NCAM2: variants seen among roughly 807,000 people sequenced by gnomAD.
The protein encoded by NCAM2 is N-CAM-2.
In NCAM2, 30 loss-of-function variants were observed where a neutral mutation model predicts 98.1. The observed-to-expected ratio is 0.31, with a 90% CI of 0.23 to 0.41. The LOEUF is 0.41. Ranked by LOEUF, NCAM2 falls within the 10% of genes least tolerant of loss-of-function variation. The probability of loss-of-function intolerance (pLI) is 1.00; values close to 1 mark genes in which losing one functional copy is unlikely to be tolerated. For missense variants in NCAM2, 867 were observed against 1,005.8 expected, an observed-to-expected ratio of 0.86 and a Z score of 1.87; for synonymous variants, 368 against 342.4, an observed-to-expected ratio of 1.07 and a Z score of -0.83.
chr21:21,518,310 T>G (rs929245086), intron 16 of NCAM2, among the ~76,000 whole-genome samples: 6 of 152,128 alleles, frequency 3.9e-5, no homozygotes, highest in African/African-American at 1.4e-4. Context: ...GTTCAAAAAT[T>G]AGATTCAACT....
chr21:21,001,042 G>A (rs1200108882), intron 1 of NCAM2, among the ~76,000 whole-genome samples: 2 of 152,204 alleles, frequency 1.3e-5, no homozygotes, highest in Non-Finnish European at 2.9e-5. Flanking sequence ...TATACTTGCA[G>A]GGGATTTTAT....
At position 21,509,007 on chromosome 21, in the gene NCAM2, G is replaced by A; in HGVS notation, c.2234G>A (p.Gly745Asp). The A allele has an allele frequency of 1.2e-6, 2 of 1,613,268 alleles. No individual in the cohort carries two copies. Among genetic ancestry groups the A allele is most frequent in the Non-Finnish European group, 1.7e-6 (2 of 1,179,730 alleles). The change falls in exon 16 of 18, where the codon GGC becomes GAC. Residue 745 changes from glycine (G) to aspartate (D), a missense_variant. By Grantham distance (94) the Gly-to-Asp change is moderately conservative. This residue lies in a region of NCAM2 where 125 missense variants were observed against 116.1 expected (regional missense o/e 1.08). Coordinates refer to ENST00000400546, the MANE Select transcript of NCAM2 (RefSeq NM_004540.5). ...ITRRMCGKKS[G>D]SSGKSKELEE... ...AGGAGAATGTGTGGAAAGAAAAGTG[G>A]CTCCAGTGGCAAAAGTAAAGAACTC...
At chr21:21,446,326 G>A (rs992404208) in intron 12 of NCAM2, among the ~76,000 whole-genome samples, 4 of 151,848 alleles carry the variant, frequency 2.6e-5, no homozygotes, top group Non-Finnish European at 4.4e-5. Context: ...ACCTTCTTGC[G>A]GAGTATCTTA....
intron 1 of NCAM2, among the ~76,000 whole-genome samples, chr21:21,279,063 A>T (rs2072832841): frequency 6.6e-6 from 1 of 152,034 alleles, no homozygotes; most frequent in Non-Finnish European, 1.5e-5. Context: ...TGAGCCTATG[A>T]TATGGTTCTT....
intron 9 of NCAM2, among the ~76,000 whole-genome samples, chr21:21,407,124 A>G (rs916380827): frequency 6.6e-6 from 1 of 152,162 alleles, no homozygotes; most frequent in Non-Finnish European, 1.5e-5. Flanking sequence ...TTCTTCAGCC[A>G]CTTCAGATGG....
chr21:21,284,187 TTTGCAGCGA>T lies in NCAM2; in HGVS notation c.131-3_136del. 6.2e-7 allele frequency: 1 copy of T among 1,604,472 alleles called. No individual in the cohort carries two copies. ...TTCAAACCTTTATTTTCCATGGCTC[TTTGCAGCGA>T]TTGGTGAACCTGAAAGTATAGATTG... On this transcript the variant is annotated splice_acceptor_variant and splice_polypyrimidine_tract_variant and coding_sequence_variant and intron_variant, in exon 3 of 18. Coordinates refer to ENST00000400546, the MANE Select transcript of NCAM2 (RefSeq NM_004540.5). LOFTEE classifies it high-confidence loss of function.
intron 1 of NCAM2, among the ~76,000 whole-genome samples, chr21:21,128,157 G>A (rs566259199): frequency 3.3e-5 from 5 of 152,096 alleles, no homozygotes; most frequent in Non-Finnish European, 5.9e-5. Flanking sequence ...CTCTAGGTAG[G>A]GGACTGTAGT....
At chr21:21,013,855 A>G (rs1203588061) in intron 1 of NCAM2, among the ~76,000 whole-genome samples, 1 of 152,180 alleles carries the variant, frequency 6.6e-6, no homozygotes, top group Non-Finnish European at 1.5e-5. Flanking sequence ...CATAACATAA[A>G]AGTGCAAGGT....
chr21:21,063,058 G>C (rs1248825850), intron 1 of NCAM2, among the ~76,000 whole-genome samples: 1 of 152,090 alleles, frequency 6.6e-6, no homozygotes, highest in African/African-American at 2.4e-5. Context: ...TTTTCTGCTA[G>C]TACAAAGTCC....
chr21:21,256,090 C>T (rs2071657989), intron 1 of NCAM2, among the ~76,000 whole-genome samples: 1 of 152,168 alleles, frequency 6.6e-6, no homozygotes, highest in Non-Finnish European at 1.5e-5. Flanking sequence ...CGCAGTGGCT[C>T]ACGCCTGTAA....
rs561665575 is a variant in NCAM2, at chr21:21,287,740, A to T, written c.481+1328A>T. On this transcript the variant is annotated intron_variant, in intron 4 of 17. Transcript: ENST00000400546. ...AACGGGTAGTGGTGATGGAGAAGTG[A>T]TATTTCCATGCTAGAGCTCATACGT... Among the ~76,000 whole-genome samples the T allele has an allele frequency of 2.2e-4, 33 of 152,066 alleles. No homozygotes were observed. In the East Asian group the frequency reaches 5.0e-3, roughly 23 times the overall value.
chr21:21,269,527 C>G (rs989631353), intron 1 of NCAM2, among the ~76,000 whole-genome samples: 4 of 152,116 alleles, frequency 2.6e-5, no homozygotes, highest in Non-Finnish European at 5.9e-5. Context: ...CTACTGAAAA[C>G]CTACACATGC....
At chr21:21,441,127 G>A (rs1314756687) in intron 12 of NCAM2, among the ~76,000 whole-genome samples, 1 of 152,108 alleles carries the variant, frequency 6.6e-6, no homozygotes, top group Non-Finnish European at 1.5e-5. Flanking sequence ...TTCTGCTTCA[G>A]CAGTAGTTAA....
At chr21:21,062,770 A>T (rs1171637872) in intron 1 of NCAM2, among the ~76,000 whole-genome samples, 1 of 152,218 alleles carries the variant, frequency 6.6e-6, no homozygotes, top group Non-Finnish European at 1.5e-5. Context: ...CATATCTGTG[A>T]TTGAAAATAA....
rs1388429510 is a variant in NCAM2, at chr21:21,273,710, A to G, written c.56-6868A>G. 5.9e-5 allele frequency among the ~76,000 whole-genome samples: 9 copies of G among 152,262 alleles called. No individual in the cohort carries two copies. The East Asian group carries it at 1.5e-3, about 26-fold the overall frequency. Reference sequence around the variant, plus strand: ...TGTAATGACAAGTAGGATATACTGTATTAATTTGAGAGGGTTAGGGAGATA... The same window carrying G: ...TGTAATGACAAGTAGGATATACTGTGTTAATTTGAGAGGGTTAGGGAGATA... On this transcript the variant is annotated intron_variant, in intron 1 of 17. Coordinates refer to ENST00000400546, the MANE Select transcript of NCAM2 (RefSeq NM_004540.5).
intron 1 of NCAM2, among the ~76,000 whole-genome samples, chr21:21,212,269 G>A (rs888809903): frequency 2.6e-5 from 4 of 152,086 alleles, no homozygotes; most frequent in East Asian, 1.9e-4. Flanking sequence ...AATTTTCCAC[G>A]AATTATGCAG....
At chr21:21,314,456 A>G (rs887181121) in intron 5 of NCAM2, among the ~76,000 whole-genome samples, 19 of 152,122 alleles carry the variant, frequency 1.2e-4, no homozygotes, top group African/African-American at 4.6e-4. Context: ...GTGCCTCAAC[A>G]TGAACTGTTT....
chr21:21,212,719 A>T (rs1269643311), intron 1 of NCAM2, among the ~76,000 whole-genome samples: 1 of 148,118 alleles, frequency 6.8e-6, no homozygotes, highest in African/African-American at 2.5e-5. Flanking sequence ...TTATATTGGT[A>T]TGTAAATCTG....
intron 1 of NCAM2, among the ~76,000 whole-genome samples, chr21:21,208,855 CTTATA>C (rs2069540485): frequency 6.6e-6 from 1 of 151,974 alleles, no homozygotes; most frequent in Non-Finnish European, 1.5e-5. Flanking sequence ...CTAAAATTAT[CTTATA>C]TTTATAAATA....
Sources: gnomAD v4.1 joint callset for allele counts (sites outside exome capture counted in the v4.1 genomes callset) on GRCh38, gnomAD v4.1.1 for gene constraint, gnomAD v4.1.1 regional missense constraint, MANE v1.5 for transcripts, NCBI Gene and HGNC (gene_info 2026-07-23, HGNC 2026-07-21) for gene names.